The following ARFGAP3 variants were observed in gnomAD, a reference collection of about 807,000 sequenced individuals.
ARFGAP3 encodes ADP-ribosylation factor GTPase-activating protein 3.
In ARFGAP3, 72 loss-of-function variants were observed where a neutral mutation model predicts 75.0. The observed-to-expected ratio is 0.96, with a 90% CI of 0.79 to 1.17. The LOEUF is 1.17. ARFGAP3 is among the 50% of genes most tolerant of loss of function. The pLI is 0.00. For missense variants in ARFGAP3, 620 were observed against 626.6 expected, an observed-to-expected ratio of 0.99 and a Z score of 0.11; for synonymous variants, 221 against 217.9, an observed-to-expected ratio of 1.01 and a Z score of -0.13.
rs1925160959 is a variant in ARFGAP3 at position 42,807,130 on chromosome 22, C to T, written c.1354G>A (p.Ala452Thr). ...ETRARLERLS[A>T]SSSISSADLF... is the part of the protein sequence containing the mutation. ...TCAGCCGAGCTTATGGAGGAACTTG[C>T]CGACAGCCTCTCTAGGCGGGCCCTG... is the stretch of plus-strand genomic sequence containing the variant. Residue 452 changes from alanine (A) to threonine (T), a missense_variant, in exon 14 of 16, where the codon GCA becomes ACA. Ala to Thr is a moderately conservative substitution (Grantham distance 58). Coordinates refer to ENST00000263245, the MANE Select transcript of ARFGAP3 (RefSeq NM_014570.5). 2 of 1,612,790 alleles carry T rather than the reference C, an allele frequency of 1.2e-6. No homozygotes were observed. Among genetic ancestry groups the T allele is most frequent in the South Asian group, 2.2e-5 (2 of 90,734 alleles).
In ARFGAP3 at chr22:42,807,066, C is replaced by T; in HGVS notation, c.1411+7G>A. On this transcript the variant is annotated splice_region_variant and intron_variant, in intron 14 of 15. Transcript: ENST00000263245. ...ACAGAGACCAGCTCTTGTTCAGTGCCCCCTACCTGCTGGCTGCTTCCTCGG... is the reference window on the plus strand; with the variant it reads ...ACAGAGACCAGCTCTTGTTCAGTGCTCCCTACCTGCTGGCTGCTTCCTCGG... 1 of 1,606,762 alleles carries T rather than the reference C, an allele frequency of 6.2e-7. No homozygotes were observed.
intron 6 of ARFGAP3, 112 bp downstream of exon 6, chr22:42,831,437 G>T: frequency 9.0e-7 from 1 of 1,113,460 alleles, no homozygotes; most frequent in South Asian, 1.5e-5. Flanking sequence ...CTCGCAAAGT[G>T]CTGGGATTAC....
intron 5 of ARFGAP3, among the ~76,000 whole-genome samples, chr22:42,833,853 T>C (rs926469573): frequency 2.6e-5 from 4 of 152,018 alleles, no homozygotes; most frequent in Non-Finnish European, 5.9e-5. Flanking sequence ...GGGGCAGAGG[T>C]TGTAATGAGC....
chr22:42,806,576 G>A (rs1925133255), intron 14 of ARFGAP3, among the ~76,000 whole-genome samples: 1 of 152,242 alleles, frequency 6.6e-6, no homozygotes, highest in Non-Finnish European at 1.5e-5. Context: ...GCCCACCCCT[G>A]GGGCCTGCTG....
At chr22:42,802,288 A>ATT (rs71752509) in intron 14 of ARFGAP3, among the ~76,000 whole-genome samples, 3 of 142,716 alleles carry the variant, frequency 2.1e-5, no homozygotes, top group African/African-American at 2.6e-5. Context: ...CAAAATAACA[A>ATT]TTTTTTTTTT....
chr22:42,796,861 T>C lies in ARFGAP3; in HGVS notation c.*727A>G, dbSNP rs1016644191. ...ACTTTAACTCTGTATACCGTATTGA[T>C]TTGTGATGAGATGATTTATTATGAG... On this transcript the variant is annotated 3_prime_UTR_variant, in exon 16 of 16. Transcript: ENST00000263245. 4 of 152,226 alleles carry C rather than the reference T, an allele frequency of 2.6e-5. No homozygotes were observed. Among genetic ancestry groups the C allele is most frequent in the African/African-American group, 7.2e-5 (3 of 41,458 alleles). 9.4% of individuals were successfully genotyped at this position (152,226 alleles called of 1,614,324 possible). A position where few individuals can be genotyped will look rare whatever the true frequency, so the allele number is the denominator to read the frequency against.
chr22:42,827,049 T>C, intron 6 of ARFGAP3, 50 bp from the exon 7 acceptor site: 1 of 1,604,224 alleles, frequency 6.2e-7, no homozygotes, highest in Non-Finnish European at 8.5e-7. Flanking sequence ...CTCAGCTAAC[T>C]TGCTTTTGAA....
Position 42,822,360 on chromosome 22 carries a change from C to G in ARFGAP3, c.722G>C (p.Cys241Ser). The part of the protein sequence containing the change: ...SLGAQKLANT[C>S]FNEIEKQAQA... ...AGCTTGTTTTTCAATTTCATTAAAGCATGTGTTTGCCAGTTTCTGAGCTCC... is the reference window on the plus strand; with the variant it reads ...AGCTTGTTTTTCAATTTCATTAAAGGATGTGTTTGCCAGTTTCTGAGCTCC... The change falls in exon 9 of 16, where the codon TGC becomes TCC. Residue 241 changes from cysteine (C) to serine (S), a missense_variant. Transcript: ENST00000263245. 1 of 1,614,158 alleles carries G rather than the reference C, an allele frequency of 6.2e-7. No individual in the cohort carries two copies. Among genetic ancestry groups the G allele is most frequent in the South Asian group, 1.1e-5 (1 of 91,082 alleles).
intron 3 of ARFGAP3, among the ~76,000 whole-genome samples, chr22:42,837,220 G>C (rs906319550): frequency 1.3e-5 from 2 of 152,304 alleles, no homozygotes; most frequent in Middle Eastern, 3.4e-3. Context: ...CTAGCACTTT[G>C]GGAAGCCAAA....
chr22:42,834,197 G>A (rs968847651), intron 5 of ARFGAP3, 45 bp downstream of exon 5: 1 of 1,556,196 alleles, frequency 6.4e-7, no homozygotes, highest in East Asian at 2.3e-5. Flanking sequence ...TTTGTTAACT[G>A]TCAGAGTAAG....
chr22:42,844,105 G>A (rs1926902305), intron 2 of ARFGAP3, among the ~76,000 whole-genome samples: 2 of 152,218 alleles, frequency 1.3e-5, no homozygotes, highest in African/African-American at 2.4e-5. Flanking sequence ...GGGAAGAAGA[G>A]GGGAAAAGTA....
intron 5 of ARFGAP3, among the ~76,000 whole-genome samples, chr22:42,832,922 T>C (rs1369209715): frequency 1.3e-5 from 2 of 151,982 alleles, no homozygotes; most frequent in East Asian, 1.9e-4. Context: ...GAGGTGGATG[T>C]TGCAGTGAGC....
intron 3 of ARFGAP3, among the ~76,000 whole-genome samples, chr22:42,840,207 C>T (rs534563187): frequency 3.9e-4 from 59 of 152,238 alleles, no homozygotes; most frequent in African/African-American, 1.0e-3. Context: ...TCTAGGATTA[C>T]AAGCATGAGC....
rs1210715197 is a variant in ARFGAP3, at chr22:42,857,208, T to TGGCCCAGCC, written c.-35_-27dup. On this transcript the variant is annotated 5_prime_UTR_variant, in exon 1 of 16. Transcript: ENST00000263245. ...CGTCAGCTGTGAGCCGCGGCGCAGC[T>TGGCCCAGCC]GGCCCAGCCAACCGGTAAGAGTCGA... 9.3e-6 allele frequency: 14 copies of TGGCCCAGCC among 1,504,412 alleles called. No individual in the cohort carries two copies. The highest frequency in any genetic ancestry group is 2.9e-5 in the African/African-American group (2 of 68,996). 93.2% of individuals were successfully genotyped at this position (1,504,412 alleles called of 1,614,324 possible). A position where few individuals can be genotyped will look rare whatever the true frequency, so the allele number is the denominator to read the frequency against.
At position 42,817,163 on chromosome 22, in the gene ARFGAP3, G is replaced by C; in HGVS notation, c.1043C>G (p.Ser348Ter). Residue 348 changes from serine (S) to a stop codon, truncating the protein, a stop_gained, in exon 11 of 16, where the codon TCA (serine) becomes TGA (stop). Coordinates refer to ENST00000263245, the MANE Select transcript of ARFGAP3 (RefSeq NM_014570.5). LOFTEE classifies it high-confidence loss of function. Reference sequence around the variant, plus strand: ...GTACCTTGAGCTGGAAGTAAAATATGAATCGTCACTGTCATCATTATACTT... The same window carrying C: ...GTACCTTGAGCTGGAAGTAAAATATCAATCGTCACTGTCATCATTATACTT... ...RKKYNDDSDD[S>*]YFTSSSSYFD... 1 of 1,612,216 alleles carries C rather than the reference G, an allele frequency of 6.2e-7. No individual in the cohort carries two copies. Among genetic ancestry groups the C allele is most frequent in the Non-Finnish European group, 8.5e-7 (1 of 1,178,576 alleles).
At chr22:42,798,022 C>G (rs1924682377) in intron 15 of ARFGAP3, among the ~76,000 whole-genome samples, 1 of 152,198 alleles carries the variant, frequency 6.6e-6, no homozygotes. Context: ...GTGACCTAAC[C>G]TTCTGTGCCT....
intron 3 of ARFGAP3, 69 bp downstream of exon 3, chr22:42,840,875 C>A: frequency 6.5e-7 from 1 of 1,527,162 alleles, no homozygotes; most frequent in African/African-American, 1.4e-5. Context: ...CTAGCCTGAG[C>A]TTCTTTACTA....
intron 13 of ARFGAP3, among the ~76,000 whole-genome samples, chr22:42,808,142 A>G (rs993960758): frequency 1.3e-5 from 2 of 152,110 alleles, no homozygotes; most frequent in Non-Finnish European, 2.9e-5. Flanking sequence ...TCACGCCTGT[A>G]ATACCAGCAC....
At chr22:42,818,822 C>CCGTTTTTTTTTT (rs1925689129) in intron 9 of ARFGAP3, among the ~76,000 whole-genome samples, 1 of 145,480 alleles carries the variant, frequency 6.9e-6, no homozygotes, top group Non-Finnish European at 1.5e-5. Flanking sequence ...GAATTTCTTT[C>CCGTTTTTTTTTT]TGTTTTTTGA....
Sources: gnomAD v4.1 joint callset for allele counts (sites outside exome capture counted in the v4.1 genomes callset) on GRCh38, gnomAD v4.1.1 for gene constraint, MANE v1.5 for transcripts, NCBI Gene and HGNC (gene_info 2026-07-23, HGNC 2026-07-21) for gene names.